ANK2: variants seen among roughly 807,000 people sequenced by gnomAD.
ANK2 encodes the protein ankyrin 2, also known as ankyrin-2.
In ANK2, 83 loss-of-function variants were observed where a neutral mutation model predicts 360.5. That is an observed-to-expected ratio of 0.23 (90% CI 0.19 to 0.28). ANK2 has a LOEUF of 0.28. Ranked by LOEUF, ANK2 falls within the 10% of genes least tolerant of loss-of-function variation. The probability of loss-of-function intolerance (pLI) is 1.00; values close to 1 mark genes in which losing one functional copy is unlikely to be tolerated. For missense variants in ANK2, 4,201 were observed against 4,795.7 expected (o/e 0.88, Z 3.66); for synonymous variants, 1,740 against 1,759.5 (o/e 0.99, Z 0.28).
intron 1 of ANK2, among the ~76,000 whole-genome samples, chr4:113,079,951 T>C (rs576633487): frequency 4.0e-4 from 59 of 148,478 alleles, no homozygotes; most frequent in Non-Finnish European, 6.7e-4. Context: ...CAGGCTGGAG[T>C]GTGGTGGTGC....
chr4:112,931,441 T>TC (rs2093227134), intron 2 of ANK2, among the ~76,000 whole-genome samples: 1 of 144,086 alleles, frequency 6.9e-6, no homozygotes, highest in Non-Finnish European at 1.5e-5. Flanking sequence ...TTCTTTTTTT[T>TC]TTTTTTTTTT....
intron 4 of ANK2, among the ~76,000 whole-genome samples, chr4:113,225,243 A>G (rs1260274958): frequency 6.6e-6 from 1 of 152,134 alleles, no homozygotes. Flanking sequence ...AGTCTTTAGT[A>G]TTCCAGCAGC....
intron 1 of ANK2, among the ~76,000 whole-genome samples, chr4:113,100,262 C>T (rs1452788250): frequency 6.6e-6 from 1 of 152,014 alleles, no homozygotes; most frequent in Non-Finnish European, 1.5e-5. Context: ...ACAAAGAAAT[C>T]TTCAAACTCA....
intron 1 of ANK2, among the ~76,000 whole-genome samples, chr4:112,884,779 T>C (rs2077778578): frequency 1.3e-5 from 2 of 152,244 alleles, no homozygotes; most frequent in African/African-American, 4.8e-5. Context: ...AATCCAAAAA[T>C]CAGCTTAATG....
chr4:113,188,042 A>C (rs2098564722), intron 2 of ANK2, among the ~76,000 whole-genome samples: 1 of 152,198 alleles, frequency 6.6e-6, no homozygotes, highest in East Asian at 1.9e-4. Flanking sequence ...CTACTTTAAA[A>C]GGAGACGATT....
chr4:113,163,795 A>C (rs1424058217), intron 1 of ANK2, among the ~76,000 whole-genome samples: 1 of 149,198 alleles, frequency 6.7e-6, no homozygotes, highest in Non-Finnish European at 1.5e-5. Context: ...AAAAAAAAGA[A>C]AACCCAGCTT....
chr4:112,884,879 T>C (rs2077804166), intron 1 of ANK2, among the ~76,000 whole-genome samples: 1 of 152,212 alleles, frequency 6.6e-6, no homozygotes, highest in East Asian at 1.9e-4. Flanking sequence ...TTGATCTTTT[T>C]TCATATGATT....
At chr4:113,015,989 C>T (rs116726054) in intron 2 of ANK2, among the ~76,000 whole-genome samples, 4,670 of 152,022 alleles carry the variant, frequency 0.031, 252 homozygotes, top group African/African-American at 0.1. Context: ...ATTTGAGAGA[C>T]TCATCAGAGA....
At chr4:112,905,904 T>C (rs1277084494) in intron 2 of ANK2, among the ~76,000 whole-genome samples, 2 of 152,146 alleles carry the variant, frequency 1.3e-5, no homozygotes, top group African/African-American at 4.8e-5. Context: ...TCAAGTGATC[T>C]GCCCACCTCA....
chr4:112,898,566 T>A (rs1224590435), intron 1 of ANK2, among the ~76,000 whole-genome samples: 1 of 152,198 alleles, frequency 6.6e-6, no homozygotes, highest in East Asian at 1.9e-4. Context: ...CTCTGGTCAC[T>A]TGGCTGACAG....
chr4:113,050,168 C>G (rs2066295030), intron 1 of ANK2, among the ~76,000 whole-genome samples: 1 of 149,684 alleles, frequency 6.7e-6, no homozygotes, highest in African/African-American at 2.4e-5. Context: ...TGTTAAGCAA[C>G]GTGGATTGTG....
At chr4:113,111,374 A>G (rs992603166) in intron 1 of ANK2, among the ~76,000 whole-genome samples, 1 of 152,206 alleles carries the variant, frequency 6.6e-6, no homozygotes, top group Non-Finnish European at 1.5e-5. Context: ...GAGTAAAAAT[A>G]TAATTACTAA....
At chr4:113,211,292 A>G (rs1234802459) in intron 4 of ANK2, among the ~76,000 whole-genome samples, 4 of 152,180 alleles carry the variant, frequency 2.6e-5, no homozygotes, top group African/African-American at 7.2e-5. Context: ...AACATTTGAC[A>G]ATTGGACCAG....
intron 1 of ANK2, among the ~76,000 whole-genome samples, chr4:112,878,042 A>G (rs2075631719): frequency 6.6e-6 from 1 of 152,204 alleles, no homozygotes; most frequent in Admixed American, 6.5e-5. Context: ...TATGCCATAC[A>G]TCTACCCTAG....
chr4:112,726,808 C>T, the ANK2 span, among the ~76,000 whole-genome samples: 55 of 146,596 alleles, frequency 3.8e-4, no homozygotes, highest in Middle Eastern at 3.5e-3. Context: ...CCAAGATCAC[C>T]GCCACTGCAC....
chr4:112,711,478 A>G, the ANK2 span, among the ~76,000 whole-genome samples: 1 of 152,092 alleles, frequency 6.6e-6, no homozygotes, highest in Non-Finnish European at 1.5e-5. Flanking sequence ...AGCTGTGATC[A>G]TGCCACTGCA....
At chr4:112,905,642 G>T (rs187126448) in intron 2 of ANK2, among the ~76,000 whole-genome samples, 1 of 152,074 alleles carries the variant, frequency 6.6e-6, no homozygotes, top group African/African-American at 2.4e-5. Context: ...ACATTAATCA[G>T]CTTAGGCTAT....
chr4:113,190,062 C>G (rs556173105), intron 2 of ANK2, among the ~76,000 whole-genome samples: 1 of 152,142 alleles, frequency 6.6e-6, no homozygotes, highest in Non-Finnish European at 1.5e-5. Context: ...CTTAGAAACA[C>G]AGAATTTTGT....
At chr4:112,710,071 A>T in the ANK2 span, among the ~76,000 whole-genome samples, 1 of 152,216 alleles carries the variant, frequency 6.6e-6, no homozygotes, top group African/African-American at 2.4e-5. Flanking sequence ...TGAGCGAGGC[A>T]TAGTTTTCAC....
Sources: allele counts gnomAD v4.1 joint callset (sites outside exome capture counted in the v4.1 genomes callset), GRCh38; gene constraint gnomAD v4.1.1; transcripts MANE v1.5; gene names NCBI Gene and HGNC (gene_info 2026-07-23, HGNC 2026-07-21).